FARP2: variants seen among roughly 807,000 people sequenced by gnomAD.
The protein encoded by FARP2 is FERM, ARHGEF and pleckstrin domain-containing protein 2.
FARP2 carries 111 observed loss-of-function variants against 130.5 expected under a neutral mutation model. The observed-to-expected ratio is 0.85, with a 90% CI of 0.73 to 1.00. The LOEUF is 1.00. FARP2 is among the 50% of genes least tolerant of loss of function. FARP2 has a pLI of 0.00. For missense variants in FARP2, 1,385 were observed against 1,346.3 expected, an observed-to-expected ratio of 1.03 and a Z score of -0.45; for synonymous variants, 504 against 516.9, an observed-to-expected ratio of 0.98 and a Z score of 0.34.
chr2:241,479,393 G>A (rs740313), intron 19 of FARP2, among the ~76,000 whole-genome samples: 8 of 152,188 alleles, frequency 5.3e-5, no homozygotes, highest in African/African-American at 1.9e-4. Flanking sequence ...CCGTGGCCTC[G>A]GGTCTGGCTG....
At chr2:241,476,172 A>C (rs922461341) in intron 19 of FARP2, among the ~76,000 whole-genome samples, 185 bp downstream of exon 19, 1 of 151,040 alleles carries the variant, frequency 6.6e-6, no homozygotes, top group Non-Finnish European at 1.5e-5. Context: ...CAGGAGTTCA[A>C]GACCAGACTG....
At chr2:241,420,859 A>T (rs1311028609) in intron 8 of FARP2, among the ~76,000 whole-genome samples, 1 of 152,216 alleles carries the variant, frequency 6.6e-6, no homozygotes, top group Non-Finnish European at 1.5e-5. Flanking sequence ...AAGCACAGAT[A>T]TTTAAAATTA....
At chr2:241,400,763 G>A (rs1032021988) in intron 2 of FARP2, among the ~76,000 whole-genome samples, 4 of 152,132 alleles carry the variant, frequency 2.6e-5, no homozygotes, top group Admixed American at 2.6e-4. Flanking sequence ...GTCATGAGGA[G>A]GACTGTCCTG....
chr2:241,492,842 C>A, intron 24 of FARP2, 87 bp from the exon 25 acceptor site: 1 of 749,832 alleles, frequency 1.3e-6, no homozygotes. Context: ...AGAAAGCATG[C>A]AGAGGCTTAG....
intron 4 of FARP2, 88 bp from the exon 5 acceptor site, chr2:241,407,449 G>A (rs2062390387): frequency 2.1e-6 from 2 of 968,762 alleles, no homozygotes; most frequent in Non-Finnish European, 1.6e-6. Context: ...CCACTTGGAA[G>A]CATGACCTCA....
chr2:241,426,661 C>A (rs2062947117), intron 8 of FARP2, among the ~76,000 whole-genome samples: 2 of 152,152 alleles, frequency 1.3e-5, no homozygotes, highest in South Asian at 4.1e-4. Flanking sequence ...GAGTGGGTGA[C>A]CCTGACCTGG....
At chr2:241,477,667 G>A (rs2064509090) in intron 19 of FARP2, among the ~76,000 whole-genome samples, 2 of 152,212 alleles carry the variant, frequency 1.3e-5, no homozygotes, top group Non-Finnish European at 2.9e-5. Context: ...GTTTTCCAAA[G>A]TGACTGAACC....
chr2:241,357,744 C>T (rs1451234901), intron 1 of FARP2, among the ~76,000 whole-genome samples: 2 of 152,154 alleles, frequency 1.3e-5, no homozygotes, highest in East Asian at 3.9e-4. Context: ...GATGCAGTTT[C>T]CTGGACTGCA....
intron 15 of FARP2, among the ~76,000 whole-genome samples, 184 bp from the exon 16 acceptor site, chr2:241,463,151 T>A (rs2064070281): frequency 6.6e-6 from 1 of 152,180 alleles, no homozygotes; most frequent in Admixed American, 6.5e-5. Flanking sequence ...GTAGGATAGT[T>A]TCATTATATT....
Position 241,416,011 on chromosome 2 carries a change from G to C in FARP2, c.624-1951G>C, listed in dbSNP as rs998373495. Among the ~76,000 whole-genome samples, 157 of 150,528 alleles carry C rather than the reference G, an allele frequency of 1.0e-3. 1 individual carries two copies. In the East Asian group the frequency reaches 0.032, roughly 30 times the overall value. ...GTTCTGTGTGTGTGTGTGTGTGTGTGTGTGTGTGTGTGTGTGTGTGTGTCT... is the reference window on the plus strand; with the variant it reads ...GTTCTGTGTGTGTGTGTGTGTGTGTCTGTGTGTGTGTGTGTGTGTGTGTCT... On this transcript the variant is annotated intron_variant, in intron 7 of 26. Coordinates refer to ENST00000264042, the MANE Select transcript of FARP2 (RefSeq NM_014808.4).
chr2:241,416,557 C>T (rs1161606121), intron 7 of FARP2, among the ~76,000 whole-genome samples: 3 of 152,154 alleles, frequency 2.0e-5, no homozygotes, highest in Non-Finnish European at 2.9e-5. Flanking sequence ...CCACTGAAAA[C>T]ACCTTTATAA....
chr2:241,493,150 C>T, intron 25 of FARP2, 114 bp downstream of exon 25: 3 of 1,163,128 alleles, frequency 2.6e-6, no homozygotes, highest in Non-Finnish European at 3.8e-6. Flanking sequence ...TTTGCCCACA[C>T]ACCCTGTGCT....
chr2:241,486,194 C>G (rs2064748021), intron 21 of FARP2, among the ~76,000 whole-genome samples: 2 of 152,014 alleles, frequency 1.3e-5, no homozygotes, highest in Admixed American at 1.3e-4. Flanking sequence ...GCCTGTAATG[C>G]CAGCACTTTA....
chr2:241,494,038 C>T lies in FARP2; in HGVS notation c.3078C>T (p.Ser1026=), dbSNP rs1559821385. The change falls in exon 27 of 27, where the codon AGC becomes AGT. Residue 1026 remains serine, a synonymous_variant. Coordinates refer to ENST00000264042, the MANE Select transcript of FARP2 (RefSeq NM_014808.4). The surrounding 1 kb of genome is among the most constrained non-coding windows in gnomAD (Gnocchi z 4.9). ...TGGAGGTGATCCAGGGGGCCAGCAG[C>T]TCAGCCGGGAGGGCCCCAAGCATCG... ...RWMEVIQGAS[S]SAGRAPSIVQ... is the part of the protein sequence containing the mutation. 2 of 1,409,866 alleles carry T rather than the reference C, an allele frequency of 1.4e-6. No homozygotes were observed. The highest frequency in any genetic ancestry group is 1.9e-6 in the Non-Finnish European group (2 of 1,080,592). 87.3% of individuals were successfully genotyped at this position (1,409,866 alleles called of 1,614,324 possible).
chr2:241,474,317 C>CAAAAAAA (rs56128645), intron 18 of FARP2, among the ~76,000 whole-genome samples: 14 of 46,678 alleles, frequency 3.0e-4, no homozygotes, highest in South Asian at 1.5e-3. Flanking sequence ...GATTCCGTCT[C>CAAAAAAA]AAAAAAAAAA....
chr2:241,453,785 T>G (rs1242948062), intron 13 of FARP2, among the ~76,000 whole-genome samples: 3 of 119,338 alleles, frequency 2.5e-5, no homozygotes, highest in East Asian at 5.3e-4. Flanking sequence ...TTTTTTTTTT[T>G]TTTTTTTTTT....
At chr2:241,463,310 C>G in intron 15 of FARP2, 25 bp from the exon 16 acceptor site, 1 of 1,609,452 alleles carries the variant, frequency 6.2e-7, no homozygotes. Context: ...GCCACACCTC[C>G]CATCACACCA....
chr2:241,388,776 C>T (rs564042493), intron 2 of FARP2, among the ~76,000 whole-genome samples: 125 of 151,866 alleles, frequency 8.2e-4, no homozygotes, highest in Non-Finnish European at 1.3e-3. Flanking sequence ...TGCAGTGAGC[C>T]GTGATCATGC....
chr2:241,494,079 A>G lies in FARP2; in HGVS notation c.3119A>G (p.Gln1040Arg). 2 of 1,450,560 alleles carry G rather than the reference A, an allele frequency of 1.4e-6. No homozygotes were observed. The highest frequency in any genetic ancestry group is 1.8e-4 in the Middle Eastern group (1 of 5,510). The allele number at this position is 1,450,560 out of a possible 1,614,324, so 89.9% of individuals were successfully genotyped here. The change falls in exon 27 of 27, where the codon CAA becomes CGA. Residue 1040 changes from glutamine to arginine, a missense_variant. Transcript: ENST00000264042. The surrounding 1 kb of genome is among the most constrained non-coding windows in gnomAD (Gnocchi z 4.9). ...RAPSIVQDGP[Q>R]PSSGLEGMVR... ...CCAAGCATCGTGCAGGATGGCCCCC[A>G]ACCCTCCTCAGGGCTGGAGGGGATG...
Sources: allele counts gnomAD v4.1 joint callset (sites outside exome capture counted in the v4.1 genomes callset), GRCh38; gene constraint gnomAD v4.1.1; non-coding constraint Gnocchi (gnomAD v3.1); transcripts MANE v1.5; gene names NCBI Gene and HGNC (gene_info 2026-07-23, HGNC 2026-07-21).